RALGAPA1: variants seen among roughly 807,000 people sequenced by gnomAD.
RALGAPA1 encodes the protein Ral GTPase activating protein catalytic subunit alpha 1, also known as ral GTPase-activating protein subunit alpha-1.
In RALGAPA1, 52 loss-of-function variants were observed where a neutral mutation model predicts 269.6. The observed-to-expected ratio is 0.19, with a 90% CI of 0.15 to 0.24. The LOEUF (loss-of-function observed/expected upper bound fraction) is 0.24. Ranked by LOEUF, RALGAPA1 falls within the 10% of genes least tolerant of loss-of-function variation. The probability of loss-of-function intolerance (pLI) is 1.00; values close to 1 mark genes in which losing one functional copy is unlikely to be tolerated. For synonymous variants in RALGAPA1, 817 were observed against 1,008.3 expected (o/e 0.81, Z 3.60); for missense variants, 1,917 against 3,013.9 (o/e 0.64, Z 8.52).
intron 39 of RALGAPA1, chr14:35,564,412 A>T (rs1397269061): frequency 6.6e-6 from 1 of 152,232 alleles, no homozygotes; most frequent in Non-Finnish European, 1.5e-5. Context: ...AGGCAACTGC[A>T]TTAGCAGAAC....
chr14:35,549,484 C>T (rs1369350541), intron 39 of RALGAPA1, among the ~76,000 whole-genome samples: 1 of 152,006 alleles, frequency 6.6e-6, no homozygotes, highest in African/African-American at 2.4e-5. Flanking sequence ...ATAATAATTA[C>T]AATAATACTA....
rs1381481816 is a variant in RALGAPA1, at chr14:35,549,139, G to A, written c.7592C>T (p.Ala2531Val). 1 of 1,611,438 alleles carries A rather than the reference G, an allele frequency of 6.2e-7. No homozygotes were observed. The highest frequency in any genetic ancestry group is 2.2e-5 in the East Asian group (1 of 44,810). Residue 2531 changes from alanine to valine, a missense_variant, in exon 40 of 42, where the codon GCT becomes GTT. Physicochemically the swap from Ala to Val is moderately conservative, Grantham distance 64 (BLOSUM62 0). Coordinates refer to ENST00000680220, the MANE Select transcript of RALGAPA1 (RefSeq NM_001346249.2). ...ATCAGATGGTAAATGGTGGTAGGGA[G>A]CTGGAGAAAAAACCTGTGCTGCAAA... is the stretch of plus-strand genomic sequence containing the variant. ...EDFAAQVFSP[A>V]PYHHLPSDAD...
chr14:35,756,747 C>A, intron 7 of RALGAPA1, 46 bp downstream of exon 7: 2 of 1,269,688 alleles, frequency 1.6e-6, no homozygotes, highest in Non-Finnish European at 2.2e-6. Flanking sequence ...GGGAATCACC[C>A]ACATAGGATA....
chr14:35,589,490 T>G (rs1566762037), intron 37 of RALGAPA1, among the ~76,000 whole-genome samples: 1 of 152,192 alleles, frequency 6.6e-6, no homozygotes, highest in African/African-American at 2.4e-5. Flanking sequence ...TTTACATATA[T>G]CAAAATGTGT....
chr14:35,717,093 T>C (rs2068897561), intron 16 of RALGAPA1, among the ~76,000 whole-genome samples: 1 of 152,204 alleles, frequency 6.6e-6, no homozygotes, highest in Admixed American at 6.5e-5. Flanking sequence ...TCCTACAGAC[T>C]TAACCTATAG....
intron 7 of RALGAPA1, among the ~76,000 whole-genome samples, chr14:35,753,128 T>G (rs1038872018): frequency 6.6e-6 from 1 of 152,142 alleles, no homozygotes; most frequent in Non-Finnish European, 1.5e-5. Context: ...CGAGATGAGC[T>G]TGGAACATCT....
At chr14:35,546,237 T>C (rs1470857829) in intron 41 of RALGAPA1, among the ~76,000 whole-genome samples, 1 of 152,102 alleles carries the variant, frequency 6.6e-6, no homozygotes, top group East Asian at 1.9e-4. Context: ...CTGAAAGTAA[T>C]ACGGAAAAAT....
chr14:35,768,306 C>T (rs1022413572), intron 4 of RALGAPA1, among the ~76,000 whole-genome samples: 2 of 152,176 alleles, frequency 1.3e-5, no homozygotes, highest in Admixed American at 1.3e-4. Flanking sequence ...GTCTCAAACT[C>T]CTGGCCTCAA....
intron 1 of RALGAPA1, among the ~76,000 whole-genome samples, chr14:35,796,091 T>C (rs1413390271): frequency 1.3e-5 from 2 of 152,154 alleles, no homozygotes; most frequent in South Asian, 2.1e-4. Flanking sequence ...GGATGATCAA[T>C]TGAAATTCTA....
rs557894675 is a variant in RALGAPA1, at chr14:35,621,688, C to G, written c.6929+3673G>C. Among the ~76,000 whole-genome samples, 217 of 152,200 alleles carry G rather than the reference C, an allele frequency of 1.4e-3. 1 individual carries two copies. The highest frequency in any genetic ancestry group is 2.5e-3 in the Non-Finnish European group (170 of 68,002). On this transcript the variant is annotated intron_variant, in intron 35 of 41. Transcript: ENST00000680220. ...ACAAGAAAAAAACAAACAACGCCAT[C>G]AAAAAGTGGGCAAAGGATATGAACA...
intron 29 of RALGAPA1, among the ~76,000 whole-genome samples, chr14:35,654,923 T>C (rs1301950304): frequency 6.6e-6 from 1 of 152,170 alleles, no homozygotes; most frequent in Non-Finnish European, 1.5e-5. Flanking sequence ...TCACCCACAC[T>C]TCAAACCCCA....
intron 35 of RALGAPA1, among the ~76,000 whole-genome samples, chr14:35,612,732 G>A (rs1028943230): frequency 3.3e-5 from 5 of 152,006 alleles, no homozygotes; most frequent in Non-Finnish European, 7.4e-5. Flanking sequence ...TAGAGATGGG[G>A]TTTCACCATG....
intron 16 of RALGAPA1, 53 bp downstream of exon 16, chr14:35,721,635 G>T: frequency 7.0e-7 from 1 of 1,429,044 alleles, no homozygotes; most frequent in Non-Finnish European, 9.5e-7. Flanking sequence ...TTGTTACCAA[G>T]GACTATAAAT....
chr14:35,713,562 TTG>T (rs1266203786), intron 16 of RALGAPA1, among the ~76,000 whole-genome samples: 1 of 152,214 alleles, frequency 6.6e-6, no homozygotes, highest in Non-Finnish European at 1.5e-5. Context: ...CCAAAGTTTT[TTG>T]TGTTTACAGG....
chr14:35,775,019 A>G lies in RALGAPA1; in HGVS notation c.254T>C (p.Leu85Pro). ...KSQREELDAI[L>P]FIFEKILQLL... Reference sequence around the variant, plus strand: ...AGAAGCACTTACCTCAAAAATAAAAAGTATAGCATCCAATTCCTCTCTTTG... The same window carrying G: ...AGAAGCACTTACCTCAAAAATAAAAGGTATAGCATCCAATTCCTCTCTTTG... The change falls in exon 3 of 42, where the codon CTT becomes CCT. Residue 85 changes from leucine to proline, a missense_variant. Transcript: ENST00000680220. 6.4e-7 allele frequency: 1 copy of G among 1,574,142 alleles called. No individual in the cohort carries two copies. The highest frequency in any genetic ancestry group is 8.7e-7 in the Non-Finnish European group (1 of 1,153,412).
intron 1 of RALGAPA1, among the ~76,000 whole-genome samples, chr14:35,799,719 TAGAA>T (rs1277139164): frequency 5.9e-5 from 9 of 151,542 alleles, no homozygotes; most frequent in African/African-American, 2.2e-4. Flanking sequence ...AGAAAACAAA[TAGAA>T]AGATGACAAA....
intron 1 of RALGAPA1, among the ~76,000 whole-genome samples, chr14:35,787,032 C>A (rs2075846053): frequency 6.6e-6 from 1 of 152,162 alleles, no homozygotes; most frequent in Non-Finnish European, 1.5e-5. Flanking sequence ...ATGTCCCTGC[C>A]CCATGAAGCC....
At chr14:35,696,195 C>T (rs1449847209) in intron 17 of RALGAPA1, among the ~76,000 whole-genome samples, 1 of 151,966 alleles carries the variant, frequency 6.6e-6, no homozygotes, top group Admixed American at 6.6e-5. Context: ...GAGTTTAAGA[C>T]CAGCCTGGGC....
rs764103772 is a variant in RALGAPA1, at chr14:35,651,863, G to A, written c.5618C>T (p.Ala1873Val). The A allele has an allele frequency of 6.3e-7, 1 of 1,588,078 alleles. No homozygotes were observed. The highest frequency in any genetic ancestry group is 8.5e-7 in the Non-Finnish European group (1 of 1,172,842). Reference sequence around the variant, plus strand: ...ACTTGGTAAAAGATGGGTGATGGTAGCTATTAGGATCTGTAAGCAAAAAAA... The same window carrying A: ...ACTTGGTAAAAGATGGGTGATGGTAACTATTAGGATCTGTAAGCAAAAAAA... Reference protein sequence around the residue: ...SPLKIIQILIATITHLLPSTE... With the variant: ...SPLKIIQILIVTITHLLPSTE... Residue 1873 changes from alanine (A) to valine (V), a missense_variant, in exon 31 of 42, where the codon GCT becomes GTT. Ala to Val is a moderately conservative substitution (Grantham distance 64, BLOSUM62 0). Around this residue, in one of 11 missense-constraint regions of RALGAPA1, gnomAD observed 346 missense variants for 566.1 expected, o/e 0.61. Coordinates refer to ENST00000680220, the MANE Select transcript of RALGAPA1 (RefSeq NM_001346249.2).
Sources: gnomAD v4.1 joint callset for allele counts (sites outside exome capture counted in the v4.1 genomes callset) on GRCh38, gnomAD v4.1.1 for gene constraint, gnomAD v4.1.1 regional missense constraint, MANE v1.5 for transcripts, NCBI Gene and HGNC (gene_info 2026-07-23, HGNC 2026-07-21) for gene names.